The following GREB1L variants were observed in gnomAD, a reference collection of about 807,000 sequenced individuals.
GREB1L encodes GREB1-like protein.
Under a neutral mutation model 200.8 loss-of-function variants are expected in GREB1L, and 17 were observed. That is an observed-to-expected ratio of 0.08 (90% CI 0.06 to 0.13). The LOEUF (loss-of-function observed/expected upper bound fraction) is 0.13. GREB1L is among the 10% of genes least tolerant of loss of function. The probability of loss-of-function intolerance (pLI) is 1.00; values close to 1 mark genes in which losing one functional copy is unlikely to be tolerated. For missense variants in GREB1L, 1,657 were observed against 2,367.7 expected, an observed-to-expected ratio of 0.70 and a Z score of 6.23; for synonymous variants, 789 against 893.0, an observed-to-expected ratio of 0.88 and a Z score of 2.08.
intron 17 of GREB1L, among the ~76,000 whole-genome samples, chr18:21,481,463 G>GTATA (rs1424385096): frequency 7.2e-6 from 1 of 139,490 alleles, no homozygotes; most frequent in African/African-American, 2.8e-5. Flanking sequence ...GTGTGTGTGT[G>GTATA]TGTGTGTGTG....
chr18:21,313,381 A>G (rs559454733), intron 1 of GREB1L, among the ~76,000 whole-genome samples: 1 of 152,188 alleles, frequency 6.6e-6, no homozygotes, highest in Non-Finnish European at 1.5e-5. Flanking sequence ...AGTACTTACT[A>G]AAAGCCAATT....
chr18:21,438,904 T>G (rs2033716547), intron 7 of GREB1L, among the ~76,000 whole-genome samples: 1 of 135,556 alleles, frequency 7.4e-6, no homozygotes, highest in Non-Finnish European at 1.5e-5. Context: ...GAGCTTGCAG[T>G]GAGCCAAGAT....
At chr18:21,246,842 C>T (rs548001416) in intron 1 of GREB1L, among the ~76,000 whole-genome samples, 1 of 152,206 alleles carries the variant, frequency 6.6e-6, no homozygotes, top group African/African-American at 2.4e-5. Context: ...TCACAGTTTG[C>T]TGGAATTTTA....
chr18:21,352,436 A>G (rs1375149408), intron 1 of GREB1L, among the ~76,000 whole-genome samples: 1 of 151,220 alleles, frequency 6.6e-6, no homozygotes, highest in East Asian at 2.0e-4. Flanking sequence ...TTTTATATAT[A>G]TATAAATATA....
chr18:21,403,032 T>C (rs1208716411), intron 6 of GREB1L, among the ~76,000 whole-genome samples: 1 of 152,164 alleles, frequency 6.6e-6, no homozygotes, highest in Admixed American at 6.6e-5. Context: ...TAGAAGGTTA[T>C]AGAAAACTGC....
intron 15 of GREB1L, among the ~76,000 whole-genome samples, chr18:21,458,855 T>A (rs147882349): frequency 6.6e-6 from 1 of 152,298 alleles, no homozygotes; most frequent in East Asian, 1.9e-4. Context: ...TTTAGAAATC[T>A]GAAGTGGTAG....
chr18:21,403,914 A>T lies in GREB1L; in HGVS notation c.752A>T (p.Lys251Met), dbSNP rs1355170053. The T allele has an allele frequency of 6.4e-7, 1 of 1,551,368 alleles. No homozygotes were observed. The highest frequency in any genetic ancestry group is 8.7e-7 in the Non-Finnish European group (1 of 1,146,552). ...TCCTCTGCTTCTTGCCACTCTATTA[A>T]GCCAAGCTCTTCAGTGTCGTCAACT... ...RQSSASCHSIKPSSSVSSTVT... is the reference protein window; with the variant it reads ...RQSSASCHSIMPSSSVSSTVT... Residue 251 changes from lysine to methionine, a missense_variant, in exon 7 of 33, where the codon AAG (lysine) becomes ATG (methionine). Physicochemically the swap from Lys to Met is moderately conservative, Grantham distance 95. This residue lies in a region of GREB1L where 289 missense variants were observed against 345.1 expected (regional missense o/e 0.84). Transcript: ENST00000424526.
In GREB1L at chr18:21,518,209, A is replaced by G. The variant is rs1394793902; in HGVS notation, c.5447A>G (p.Asp1816Gly). The G allele has an allele frequency of 6.4e-7, 1 of 1,551,632 alleles. No individual in the cohort carries two copies. The highest frequency in any genetic ancestry group is 2.0e-5 in the Admixed American group (1 of 51,004). ...TTCAGGAGTCCTGTGCTGGCCATTG[A>G]CTGCTACCTTAACATTGGACCAGAG... ...HNFRSPVLAI[D>G]CYLNIGPEVA... is the part of the protein sequence containing the mutation. Residue 1816 changes from aspartate to glycine, a missense_variant, in exon 31 of 33, where the codon GAC becomes GGC. Physicochemically the swap from Asp to Gly is moderately conservative, Grantham distance 94. Coordinates refer to ENST00000424526, the MANE Select transcript of GREB1L (RefSeq NM_001142966.3).
Position 21,499,901 on chromosome 18 carries a change from C to T in GREB1L, c.3564C>T (p.Ser1188=), listed in dbSNP as rs1476354798. 2 of 1,549,788 alleles carry T rather than the reference C, an allele frequency of 1.3e-6. No homozygotes were observed. The highest frequency in any genetic ancestry group is 2.7e-5 in the African/African-American group (2 of 73,092). The change falls in exon 22 of 33, where the codon TCC becomes TCT. Residue 1188 remains serine (S), a synonymous_variant. Coordinates refer to ENST00000424526, the MANE Select transcript of GREB1L (RefSeq NM_001142966.3). ...AGETLKQECD[S]LGPQMASSTT... ...AGACTCTGAAGCAGGAATGTGACTC[C>T]CTGGGCCCCCAGATGGCGAGCAGCA...
chr18:21,390,641 A>T (rs978368155), intron 4 of GREB1L, among the ~76,000 whole-genome samples: 2 of 152,078 alleles, frequency 1.3e-5, no homozygotes, highest in Non-Finnish European at 2.9e-5. Context: ...GGTTAAAGTG[A>T]TTCTCCTGCC....
At chr18:21,512,951 T>C (rs2037292306) in intron 27 of GREB1L, among the ~76,000 whole-genome samples, 2 of 152,182 alleles carry the variant, frequency 1.3e-5, no homozygotes, top group South Asian at 2.1e-4. Context: ...ATTTATCACC[T>C]ACGTTTTGTT....
intron 1 of GREB1L, among the ~76,000 whole-genome samples, chr18:21,362,248 G>T (rs1402598055): frequency 1.3e-5 from 2 of 152,084 alleles, no homozygotes; most frequent in Admixed American, 1.3e-4. Flanking sequence ...TTAAGTAACT[G>T]ATATGTTGAT....
At chr18:21,395,309 C>T in intron 4 of GREB1L, 76 bp from the exon 5 acceptor site, 1 of 1,137,794 alleles carries the variant, frequency 8.8e-7, no homozygotes, top group Non-Finnish European at 1.3e-6. Context: ...AATAAATCTA[C>T]TCTCCAAATG....
chr18:21,415,640 A>T (rs2031556012), intron 7 of GREB1L, among the ~76,000 whole-genome samples: 1 of 152,222 alleles, frequency 6.6e-6, no homozygotes, highest in Non-Finnish European at 1.5e-5. Context: ...GTTAGAGGAA[A>T]CTGCCCAGCA....
chr18:21,348,635 C>A (rs1184867361), intron 1 of GREB1L, among the ~76,000 whole-genome samples: 2 of 151,992 alleles, frequency 1.3e-5, no homozygotes, highest in Non-Finnish European at 2.9e-5. Flanking sequence ...ATTAGCCAGG[C>A]GTAGTGGCAG....
chr18:21,329,971 G>T (rs200030255), intron 1 of GREB1L, among the ~76,000 whole-genome samples: 148 of 39,062 alleles, frequency 3.8e-3, no homozygotes, highest in East Asian at 0.023. Flanking sequence ...TTTTTTTTTG[G>T]GGGGGGGGGG....
At chr18:21,343,284 T>A (rs2039294673) in intron 1 of GREB1L, among the ~76,000 whole-genome samples, 1 of 152,344 alleles carries the variant, frequency 6.6e-6, no homozygotes, top group South Asian at 2.1e-4. Flanking sequence ...CAACCTTGTA[T>A]CTGATAAAAT....
At chr18:21,375,872 T>TACC (rs1283480411) in intron 2 of GREB1L, among the ~76,000 whole-genome samples, 6 of 151,964 alleles carry the variant, frequency 3.9e-5, no homozygotes, top group Non-Finnish European at 8.8e-5. Flanking sequence ...TGACAATAAC[T>TACC]ACCACCACCA....
intron 4 of GREB1L, among the ~76,000 whole-genome samples, chr18:21,388,130 T>A (rs2040619929): frequency 6.6e-6 from 1 of 152,186 alleles, no homozygotes; most frequent in Non-Finnish European, 1.5e-5. Flanking sequence ...GGAGTTGATT[T>A]CTTCTGGACC....
Sources: allele counts gnomAD v4.1 joint callset (sites outside exome capture counted in the v4.1 genomes callset), GRCh38; gene constraint gnomAD v4.1.1; regional missense constraint gnomAD v4.1.1; transcripts MANE v1.5; gene names NCBI Gene and HGNC (gene_info 2026-07-23, HGNC 2026-07-21).